The following C2CD3 variants were observed in gnomAD, a reference collection of about 807,000 sequenced individuals.
The protein encoded by C2CD3 is C2 domain-containing protein 3.
A neutral mutation model predicts 234.0 loss-of-function variants in C2CD3; 148 were observed. The ratio of observed to expected loss-of-function variants is 0.63; its 90% CI spans 0.55 to 0.72. The LOEUF (loss-of-function observed/expected upper bound fraction) is 0.72. Among genes scored for constraint, C2CD3 ranks in the 30% least tolerant of loss-of-function variants. The pLI is 0.00. For synonymous variants in C2CD3, 1,000 were observed against 1,035.4 expected, an observed-to-expected ratio of 0.97 and a Z score of 0.66; for missense variants, 2,577 against 2,811.5, an observed-to-expected ratio of 0.92 and a Z score of 1.89.
Position 74,078,353 on chromosome 11 carries a change from C to T in C2CD3, c.4365G>A (p.Lys1455=), listed in dbSNP as rs746683707. ...EAFWTPLKKP[K]ESVNKKQIMV... ...TAATCTGCTTTTTGTTTACAGATTCCTTAGGCTTCTTGAGAGGGGTCCAAA... is the reference window on the plus strand; with the variant it reads ...TAATCTGCTTTTTGTTTACAGATTCTTTAGGCTTCTTGAGAGGGGTCCAAA... The change falls in exon 23 of 33, where the codon AAG becomes AAA. Residue 1455 remains lysine (K), a synonymous_variant. Transcript: ENST00000334126. The T allele has an allele frequency of 6.2e-7, 1 of 1,614,106 alleles. No homozygotes were observed. The highest frequency in any genetic ancestry group is 8.5e-7 in the Non-Finnish European group (1 of 1,180,030).
chr11:74,019,687 T>A (rs1952011067), intron 32 of C2CD3, among the ~76,000 whole-genome samples: 1 of 152,072 alleles, frequency 6.6e-6, no homozygotes, highest in South Asian at 2.1e-4. Flanking sequence ...GGATAGATTT[T>A]TTTTTTTCAG....
At chr11:74,145,786 C>T (rs367637486) in intron 3 of C2CD3, among the ~76,000 whole-genome samples, 2 of 152,234 alleles carry the variant, frequency 1.3e-5, no homozygotes, top group African/African-American at 4.8e-5. Context: ...ATCCCAGTAC[C>T]ATTTATTGAA....
In C2CD3 at chr11:74,100,507, C is replaced by G; in HGVS notation, c.2732+18G>C. 6.3e-7 allele frequency: 1 copy of G among 1,594,996 alleles called. No individual in the cohort carries two copies. Among genetic ancestry groups the G allele is most frequent in the Non-Finnish European group, 8.5e-7 (1 of 1,173,658 alleles). ...TTAAAGATGCACAATAAAGAATACT[C>G]CAAAAGGTCCTATTTACTTGAATGA... On this transcript the variant is annotated intron_variant, in intron 15 of 32. Transcript: ENST00000334126.
intron 22 of C2CD3, 87 bp downstream of exon 22, chr11:74,084,794 C>G (rs1221334104): frequency 3.7e-6 from 3 of 805,428 alleles, no homozygotes; most frequent in Non-Finnish European, 6.5e-6. Context: ...TTTTGAATAT[C>G]TTACATGAGA....
At chr11:74,040,758 G>GA (rs993248844) in intron 29 of C2CD3, among the ~76,000 whole-genome samples, 5 of 151,746 alleles carry the variant, frequency 3.3e-5, no homozygotes, top group African/African-American at 1.2e-4. Flanking sequence ...CCCATCTCAA[G>GA]AAAAACAAAA....
chr11:74,066,757 A>G (rs1954561228), intron 24 of C2CD3, among the ~76,000 whole-genome samples: 1 of 152,198 alleles, frequency 6.6e-6, no homozygotes, highest in Non-Finnish European at 1.5e-5. Flanking sequence ...AGACAGAAAG[A>G]TGGTCACCAA....
intron 23 of C2CD3, among the ~76,000 whole-genome samples, chr11:74,074,868 CT>C (rs1954963141): frequency 6.6e-6 from 1 of 152,118 alleles, no homozygotes; most frequent in Non-Finnish European, 1.5e-5. Flanking sequence ...GGGCAAATTG[CT>C]TGAGTCCAGG....
intron 28 of C2CD3, among the ~76,000 whole-genome samples, chr11:74,043,469 A>G (rs916850705): frequency 1.3e-5 from 2 of 152,102 alleles, no homozygotes; most frequent in African/African-American, 4.8e-5. Context: ...TTGTGTGGAC[A>G]TTTGTTTTCA....
intron 3 of C2CD3, among the ~76,000 whole-genome samples, chr11:74,157,308 G>T (rs1344996118): frequency 1.3e-5 from 2 of 152,074 alleles, no homozygotes; most frequent in Non-Finnish European, 2.9e-5. Context: ...AAATTCCCAG[G>T]GGTGGAATAA....
At chr11:74,096,485 GAA>G (rs59538617) in intron 16 of C2CD3, among the ~76,000 whole-genome samples, 3 of 149,810 alleles carry the variant, frequency 2.0e-5, no homozygotes, top group Admixed American at 6.7e-5. Flanking sequence ...AAAAAAAATT[GAA>G]AAAAAAAATC....
intron 22 of C2CD3, among the ~76,000 whole-genome samples, chr11:74,079,265 G>A (rs1591410634): frequency 6.6e-6 from 1 of 152,162 alleles, no homozygotes; most frequent in African/African-American, 2.4e-5. Context: ...TTGCCCGCCT[G>A]GGCAGTGTCA....
chr11:74,082,399 GC>G (rs1362421651), intron 22 of C2CD3, among the ~76,000 whole-genome samples: 4 of 152,110 alleles, frequency 2.6e-5, no homozygotes, highest in Non-Finnish European at 2.9e-5. Flanking sequence ...ACAGGTGTGA[GC>G]CACTGTGCCC....
intron 25 of C2CD3, among the ~76,000 whole-genome samples, chr11:74,055,193 A>C (rs1565234949): frequency 6.6e-6 from 1 of 152,230 alleles, no homozygotes; most frequent in Non-Finnish European, 1.5e-5. Context: ...TCAGAGAAGT[A>C]AAATGGTTTG....
Position 74,040,657 on chromosome 11 carries a change from G to C in C2CD3, c.5660+1397C>G, listed in dbSNP as rs189433979. 3.3e-5 allele frequency among the ~76,000 whole-genome samples: 5 copies of C among 152,182 alleles called. No homozygotes were observed. The East Asian group carries it at 9.7e-4, about 29-fold the overall frequency. The stretch of plus-strand genomic sequence containing the variant: ...TGTAATCCCAGCTACTTGGGAGTTT[G>C]AGGCAGAAGAATCGCTTGAACCCAG... On this transcript the variant is annotated intron_variant, in intron 29 of 32. Transcript: ENST00000334126.
intron 19 of C2CD3, among the ~76,000 whole-genome samples, chr11:74,091,878 T>C (rs1565282565): frequency 6.6e-6 from 1 of 152,094 alleles, no homozygotes; most frequent in Non-Finnish European, 1.5e-5. Flanking sequence ...GTATACAAAA[T>C]TGGCAGTGTA....
At chr11:74,038,936 T>C (rs1952874573) in intron 29 of C2CD3, among the ~76,000 whole-genome samples, 1 of 152,194 alleles carries the variant, frequency 6.6e-6, no homozygotes, top group Non-Finnish European at 1.5e-5. Context: ...GGACACCAAA[T>C]ACCTGTGACA....
In C2CD3 at chr11:74,049,345, T is replaced by C. The variant is rs772998838; in HGVS notation, c.5353A>G (p.Lys1785Glu). 2 of 1,613,944 alleles carry C rather than the reference T, an allele frequency of 1.2e-6. No individual in the cohort carries two copies. Among genetic ancestry groups the C allele is most frequent in the South Asian group, 1.1e-5 (1 of 91,080 alleles). ...RQARRGVETS[K>E]SLIPIYSPFS... ...TGAATCTCCATACATACCAGTGATTTTGAGGTCTCCACTCCACGCCTTGCT... is the reference window on the plus strand; with the variant it reads ...TGAATCTCCATACATACCAGTGATTCTGAGGTCTCCACTCCACGCCTTGCT... The change falls in exon 27 of 33, where the codon AAA (lysine) becomes GAA (glutamate). Residue 1785 changes from lysine to glutamate, a missense_variant. By Grantham distance (56) the Lys-to-Glu change is moderately conservative. Coordinates refer to ENST00000334126, the MANE Select transcript of C2CD3 (RefSeq NM_001286577.2).
intron 22 of C2CD3, among the ~76,000 whole-genome samples, chr11:74,082,111 C>G (rs74786569): frequency 6.7e-6 from 1 of 149,578 alleles, no homozygotes; most frequent in Non-Finnish European, 1.5e-5. Flanking sequence ...CAGTATGATA[C>G]TGGCTGTGGA....
chr11:74,121,878 C>T (rs1470316637), intron 8 of C2CD3, among the ~76,000 whole-genome samples: 1 of 152,122 alleles, frequency 6.6e-6, no homozygotes, highest in Non-Finnish European at 1.5e-5. Context: ...ATGTCTTTCC[C>T]GTCCACCACC....
Sources: gnomAD v4.1 joint callset for allele counts (sites outside exome capture counted in the v4.1 genomes callset) on GRCh38, gnomAD v4.1.1 for gene constraint, MANE v1.5 for transcripts, NCBI Gene and HGNC (gene_info 2026-07-23, HGNC 2026-07-21) for gene names.